Variants in PWWP2A observed in about 807,000 individuals in gnomAD.
PWWP2A encodes PWWP domain-containing protein 2A.
PWWP2A carries 18 observed loss-of-function variants against 48.5 expected under a neutral mutation model. The ratio of observed to expected loss-of-function variants is 0.37; its 90% CI spans 0.26 to 0.55. The LOEUF (loss-of-function observed/expected upper bound fraction) is 0.55, where lower values mean the gene tolerates loss of function less well. Ranked by LOEUF, PWWP2A falls within the 20% of genes least tolerant of loss-of-function variation. The pLI is 0.81. For missense variants in PWWP2A, 867 were observed against 976.4 expected, an observed-to-expected ratio of 0.89 and a Z score of 1.49; for synonymous variants, 396 against 387.7, an observed-to-expected ratio of 1.02 and a Z score of -0.25.
the PWWP2A span, among the ~76,000 whole-genome samples, chr5:160,055,916 T>C: frequency 6.6e-6 from 1 of 152,244 alleles, no homozygotes; most frequent in Non-Finnish European, 1.5e-5. Flanking sequence ...AGAGTTCAGA[T>C]CTCAGCTCTC....
intron 1 of PWWP2A, among the ~76,000 whole-genome samples, chr5:160,108,913 T>A (rs1757164328): frequency 6.6e-6 from 1 of 152,154 alleles, no homozygotes; most frequent in Non-Finnish European, 1.5e-5. Context: ...TCAGGGTTCA[T>A]GTGATCTTCC....
chr5:160,104,823 C>G (rs1756701728), intron 1 of PWWP2A, among the ~76,000 whole-genome samples: 2 of 151,922 alleles, frequency 1.3e-5, no homozygotes, highest in Admixed American at 6.6e-5. Flanking sequence ...CAAAAACAAA[C>G]AAACAAACTT....
rs553077051 is a variant in PWWP2A at position 160,096,518 on chromosome 5, T to C, written c.585-2453A>G. ...TGTGACTTATTTGATGTGATATCAC[T>C]ACTTGCATTAACAATAACATTTTCT... On this transcript the variant is annotated intron_variant, in intron 1 of 1. Coordinates refer to ENST00000307063, the MANE Select transcript of PWWP2A (RefSeq NM_001130864.2). Among the ~76,000 whole-genome samples, 143 of 152,380 alleles carry C rather than the reference T, an allele frequency of 9.4e-4. 2 individuals are homozygous for C. Among genetic ancestry groups the C allele is most frequent in the African/African-American group, 3.3e-3 (138 of 41,598 alleles).
At chr5:160,095,968 G>A (rs757724594) in intron 1 of PWWP2A, among the ~76,000 whole-genome samples, 2 of 152,098 alleles carry the variant, frequency 1.3e-5, no homozygotes, top group South Asian at 2.1e-4. Flanking sequence ...GATTACAGAC[G>A]TGAGCCACCG....
intron 2 of PWWP2A, among the ~76,000 whole-genome samples, chr5:160,067,973 G>A (rs1265306120): frequency 6.6e-6 from 1 of 152,200 alleles, no homozygotes; most frequent in Non-Finnish European, 1.5e-5. Context: ...CTGAAGTCAG[G>A]AGTTCAAGAC....
downstream of PWWP2A, among the ~76,000 whole-genome samples, chr5:160,060,664 C>T (rs1753343555): frequency 6.6e-6 from 1 of 152,222 alleles, no homozygotes; most frequent in Non-Finnish European, 1.5e-5. Flanking sequence ...CTGCTTTAGC[C>T]TCTGAGCACC....
At chr5:160,081,859 ATTAG>A (rs1420123723) in intron 2 of PWWP2A, among the ~76,000 whole-genome samples, 5 of 152,230 alleles carry the variant, frequency 3.3e-5, no homozygotes, top group South Asian at 2.1e-4. Flanking sequence ...CTCTGAGATC[ATTAG>A]TTAGATAACA....
At chr5:160,095,757 C>CCAT (rs1755585293) in intron 1 of PWWP2A, among the ~76,000 whole-genome samples, 1 of 149,588 alleles carries the variant, frequency 6.7e-6, no homozygotes, top group South Asian at 2.1e-4. Flanking sequence ...GCAAGTGGTA[C>CCAT]CATCACAGCT....
At chr5:160,045,499 CACACACACACACACAT>C in the PWWP2A span, among the ~76,000 whole-genome samples, 8 of 114,696 alleles carry the variant, frequency 7.0e-5, no homozygotes, top group South Asian at 3.1e-4. Flanking sequence ...CACACACACA[CACACACACACACACAT>C]ACACACTCTC....
At chr5:160,045,496 ACACACACACACACACACATACACACTCT>A in the PWWP2A span, among the ~76,000 whole-genome samples, 2 of 107,498 alleles carry the variant, frequency 1.9e-5, no homozygotes, top group East Asian at 3.4e-4. Context: ...ACACACACAC[ACACACACACACACACACATACACACTCT>A]CTCTCTCTCT....
chr5:160,061,581 G>A (rs1273063167), downstream of PWWP2A, among the ~76,000 whole-genome samples: 1 of 152,024 alleles, frequency 6.6e-6, no homozygotes, highest in Non-Finnish European at 1.5e-5. Flanking sequence ...ATTTATTTGT[G>A]TGCCTTTTAT....
rs781605360 is a variant in PWWP2A at position 160,119,365 on chromosome 5, C to A, written c.24G>T (p.Ala8=). Residue 8 remains alanine, a synonymous_variant, in exon 1 of 2, where the codon GCG becomes GCT. Transcript: ENST00000307063. Reference sequence around the variant, plus strand: ...CCCCGGGGGACGCTGCAGTCGCTGCCGCCTCTGCAGCCACGGCCGCCATTT... The same window carrying A: ...CCCCGGGGGACGCTGCAGTCGCTGCAGCCTCTGCAGCCACGGCCGCCATTT... The part of the protein sequence containing the change: MAAVAAE[A]AATAASPGEG... 6.5e-6 allele frequency: 9 copies of A among 1,377,568 alleles called. No individual in the cohort carries two copies. In the East Asian group the frequency reaches 9.2e-5, roughly 14 times the overall value. 85.3% of individuals were successfully genotyped at this position (1,377,568 alleles called of 1,614,324 possible).
At chr5:160,115,781 G>C (rs965193926) in intron 1 of PWWP2A, among the ~76,000 whole-genome samples, 1 of 151,812 alleles carries the variant, frequency 6.6e-6, no homozygotes, top group Non-Finnish European at 1.5e-5. Context: ...GAAGAACGCA[G>C]TGAGCTACGA....
At chr5:160,113,560 A>C (rs1249542217) in intron 1 of PWWP2A, among the ~76,000 whole-genome samples, 6 of 152,246 alleles carry the variant, frequency 3.9e-5, no homozygotes, top group Non-Finnish European at 5.9e-5. Flanking sequence ...AAGACTGAAG[A>C]AAAGCACAAA....
At chr5:160,088,348 TC>T (rs1318587473), downstream of PWWP2A, among the ~76,000 whole-genome samples, 3 of 152,236 alleles carry the variant, frequency 2.0e-5, no homozygotes, top group East Asian at 5.8e-4. Flanking sequence ...TTCTCCTGAC[TC>T]AGCCTCTCGA....
At chr5:160,047,899 T>C in the PWWP2A span, among the ~76,000 whole-genome samples, 1 of 152,308 alleles carries the variant, frequency 6.6e-6, no homozygotes, top group African/African-American at 2.4e-5. Context: ...TTTTTCATTA[T>C]AGTACTATGG....
chr5:160,059,666 G>A (rs1003647545), downstream of PWWP2A, among the ~76,000 whole-genome samples: 2 of 152,208 alleles, frequency 1.3e-5, no homozygotes, highest in African/African-American at 4.8e-5. Context: ...ACAAGGGAAT[G>A]GCTGGTCAGA....
chr5:160,051,099 A>G, the PWWP2A span: 2 of 1,388,410 alleles, frequency 1.4e-6, no homozygotes, highest in Non-Finnish European at 9.6e-7. Flanking sequence ...TTTTTTTTTT[A>G]CCAACCCTTG....
chr5:160,045,520 A>ACACACACT, the PWWP2A span, among the ~76,000 whole-genome samples: 45 of 54,880 alleles, frequency 8.2e-4, 1 homozygote, highest in Non-Finnish European at 1.1e-3. Context: ...ACACATACAC[A>ACACACACT]CTCTCTCTCT....
Sources: allele counts gnomAD v4.1 joint callset (sites outside exome capture counted in the v4.1 genomes callset), GRCh38; gene constraint gnomAD v4.1.1; transcripts MANE v1.5; gene names NCBI Gene and HGNC (gene_info 2026-07-23, HGNC 2026-07-21).